BANK1: variants seen among roughly 807,000 people sequenced by gnomAD.
The protein encoded by BANK1 is B cell scaffold protein with ankyrin repeats 1.
A neutral mutation model predicts 94.5 loss-of-function variants in BANK1; 95 were observed. That is an observed-to-expected ratio of 1.00 (90% CI 0.85 to 1.19). The LOEUF (loss-of-function observed/expected upper bound fraction) is 1.19, where lower values mean the gene tolerates loss of function less well. Ranked by LOEUF, BANK1 falls within the 50% of genes most tolerant of loss-of-function variation. The pLI, the probability that BANK1 is intolerant of heterozygous loss-of-function variation, is 0.00. For missense variants in BANK1, 987 were observed against 932.2 expected, an observed-to-expected ratio of 1.06 and a Z score of -0.77; for synonymous variants, 334 against 308.4, an observed-to-expected ratio of 1.08 and a Z score of -0.87.
rs1402988152 is a variant in BANK1, at chr4:101,881,948, A to G, written c.903+11304A>G. ...TGATTAGTGGGGGTTTGGGTGGGGG[A>G]GGTGGGGATGGTTAATGGGTCCAAA... On this transcript the variant is annotated intron_variant, in intron 5 of 16. Transcript: ENST00000322953. 2.1e-5 allele frequency among the ~76,000 whole-genome samples: 3 copies of G among 143,752 alleles called. No homozygotes were observed. In the East Asian group the frequency reaches 7.0e-4, roughly 34 times the overall value. The allele number at this position is 143,752 out of a possible 152,430, so 94.3% of individuals were successfully genotyped here. A position where few individuals can be genotyped will look rare whatever the true frequency, so the allele number is the denominator to read the frequency against.
chr4:102,020,623 A>G (rs1726862944), intron 7 of BANK1, among the ~76,000 whole-genome samples: 1 of 152,192 alleles, frequency 6.6e-6, no homozygotes, highest in South Asian at 2.1e-4. Context: ...ACCTTTGCAT[A>G]TCAAAGCTAC....
At chr4:101,909,210 C>A (rs1403080992) in intron 6 of BANK1, among the ~76,000 whole-genome samples, 2 of 152,046 alleles carry the variant, frequency 1.3e-5, no homozygotes, top group African/African-American at 4.8e-5. Context: ...TACTATGCAG[C>A]CATAAAAAAG....
In BANK1 at chr4:102,042,822, CCTCT is replaced by C. The variant is rs80351486; in HGVS notation, c.1901-1016_1901-1013del. Among the ~76,000 whole-genome samples the C allele has an allele frequency of 5.8e-3, 876 of 152,008 alleles. 20 individuals carry two copies. The East Asian group carries it at 0.065, about 11-fold the overall frequency. On this transcript the variant is annotated intron_variant, in intron 10 of 16. Transcript: ENST00000322953. ...TTCTAATTTCCCTTTTAATCCTCTC[CCTCT>C]ATCTCCTTCTTTACCTTTATAAGAT...
At chr4:101,974,053 G>A (rs1725045314) in intron 7 of BANK1, among the ~76,000 whole-genome samples, 1 of 151,584 alleles carries the variant, frequency 6.6e-6, no homozygotes, top group Admixed American at 6.6e-5. Flanking sequence ...GCGTAGGGTG[G>A]GTGTTCAGTA....
At chr4:101,927,001 G>A (rs1723177413) in intron 7 of BANK1, among the ~76,000 whole-genome samples, 1 of 151,720 alleles carries the variant, frequency 6.6e-6, no homozygotes, top group South Asian at 2.1e-4. Flanking sequence ...AGGTAATGAT[G>A]AGAATTTGGT....
At chr4:101,915,884 A>G (rs1722810940) in intron 6 of BANK1, among the ~76,000 whole-genome samples, 1 of 152,060 alleles carries the variant, frequency 6.6e-6, no homozygotes, top group Non-Finnish European at 1.5e-5. Context: ...GAAGAGTAAC[A>G]CCTCACATGT....
intron 1 of BANK1, among the ~76,000 whole-genome samples, chr4:101,806,645 G>A (rs1725564912): frequency 6.6e-6 from 1 of 152,152 alleles, no homozygotes; most frequent in South Asian, 2.1e-4. Context: ...AATACATGGT[G>A]CATAATAGTA....
chr4:101,904,034 A>G (rs1243887851), intron 6 of BANK1, among the ~76,000 whole-genome samples: 3 of 152,242 alleles, frequency 2.0e-5, no homozygotes, highest in African/African-American at 4.8e-5. Flanking sequence ...TTGCCCCACA[A>G]ACGTCTGGAA....
At chr4:101,808,609 G>A (rs35446399) in intron 1 of BANK1, among the ~76,000 whole-genome samples, 39,740 of 151,550 alleles carry the variant, frequency 0.26, 5,564 homozygotes, top group Non-Finnish European at 0.32. Context: ...CAAACTATGC[G>A]TCTGACAAAG....
chr4:102,007,057 AAT>A (rs1329125461), intron 7 of BANK1, among the ~76,000 whole-genome samples: 1 of 117,826 alleles, frequency 8.5e-6, no homozygotes, highest in Non-Finnish European at 1.8e-5. Context: ...ATATATATAA[AAT>A]ATATAATTTT....
chr4:102,000,679 T>C (rs777157582), intron 7 of BANK1, among the ~76,000 whole-genome samples: 1 of 152,236 alleles, frequency 6.6e-6, no homozygotes, highest in African/African-American at 2.4e-5. Flanking sequence ...ATTAGGCTTC[T>C]TCTAAACTAG....
At position 102,027,732 on chromosome 4, in the gene BANK1, C is replaced by T. The variant is rs568444600; in HGVS notation, c.1594+2223C>T. 2.3e-4 allele frequency among the ~76,000 whole-genome samples: 35 copies of T among 150,726 alleles called. No homozygotes were observed. In the South Asian group the frequency reaches 6.7e-3, roughly 29 times the overall value. Reference sequence around the variant, plus strand: ...CATCAAATTCCTCACAGTGGATTTACGGACTTCTTCATTGGAGAAACTAAT... The same window carrying T: ...CATCAAATTCCTCACAGTGGATTTATGGACTTCTTCATTGGAGAAACTAAT... On this transcript the variant is annotated intron_variant, in intron 9 of 16. Transcript: ENST00000322953.
At position 101,895,321 on chromosome 4, in the gene BANK1, T is replaced by G; in HGVS notation, c.920T>G (p.Leu307Arg). ...ESLCQNSIEE[L>R]DGVLTSIFKH... ...TGAAAACAGAATAGCATTGAAGAAC[T>G]TGATGGTGTCCTTACATCCATATTC... The change falls in exon 6 of 17, where the codon CTT becomes CGT. Residue 307 changes from leucine (L) to arginine (R), a missense_variant. By Grantham distance (102) the Leu-to-Arg change is moderately radical. Transcript: ENST00000322953. 1 of 1,583,704 alleles carries G rather than the reference T, an allele frequency of 6.3e-7. No individual in the cohort carries two copies. The highest frequency in any genetic ancestry group is 2.3e-5 in the East Asian group (1 of 42,780).
At chr4:101,936,931 A>G (rs1009547548) in intron 7 of BANK1, among the ~76,000 whole-genome samples, 3 of 151,824 alleles carry the variant, frequency 2.0e-5, no homozygotes, top group East Asian at 2.0e-4. Flanking sequence ...TAGAGCTACC[A>G]TATGATCCAG....
chr4:101,881,125 G>A (rs898802727), intron 5 of BANK1, among the ~76,000 whole-genome samples: 1 of 152,000 alleles, frequency 6.6e-6, no homozygotes, highest in African/African-American at 2.4e-5. Flanking sequence ...AATCAACAAG[G>A]TGAAGAGACT....
At chr4:101,810,504 T>C (rs1420090433) in intron 1 of BANK1, among the ~76,000 whole-genome samples, 1 of 152,158 alleles carries the variant, frequency 6.6e-6, no homozygotes, top group Non-Finnish European at 1.5e-5. Flanking sequence ...TTTTATAAAG[T>C]GTGAAGAACA....
At position 102,025,329 on chromosome 4, in the gene BANK1, C is replaced by G; in HGVS notation, c.1414C>G (p.Pro472Ala). 1 of 1,613,976 alleles carries G rather than the reference C, an allele frequency of 6.2e-7. No homozygotes were observed. The highest frequency in any genetic ancestry group is 1.7e-5 in the Admixed American group (1 of 60,010). ...NGSGMETKHS[P>A]LEVGSESSED... ...ATCAGGCATGGAGACCAAACACAGC[C>G]CACTAGAGGTTGGCAGTGAGAGTTC... Residue 472 changes from proline to alanine, a missense_variant, in exon 9 of 17, where the codon CCA becomes GCA. Coordinates refer to ENST00000322953, the MANE Select transcript of BANK1 (RefSeq NM_017935.5).
At chr4:102,062,906 GAATT>G (rs1293824638) in intron 12 of BANK1, 165 bp from the exon 13 acceptor site, 2 of 580,556 alleles carry the variant, frequency 3.4e-6, no homozygotes, top group Admixed American at 6.0e-5. Context: ...TAAGCTGTGA[GAATT>G]AAGTAAGATA....
intron 10 of BANK1, among the ~76,000 whole-genome samples, chr4:102,031,785 C>G (rs1727324852): frequency 6.6e-6 from 1 of 152,058 alleles, no homozygotes; most frequent in African/African-American, 2.4e-5. Context: ...CTCATATATA[C>G]TTAATATTTT....
Sources: gnomAD v4.1 joint callset for allele counts (sites outside exome capture counted in the v4.1 genomes callset) on GRCh38, gnomAD v4.1.1 for gene constraint, MANE v1.5 for transcripts, NCBI Gene and HGNC (gene_info 2026-07-23, HGNC 2026-07-21) for gene names.